Variants in VWA8 observed in about 807,000 individuals in gnomAD.
VWA8 encodes von Willebrand factor A domain containing 8.
In VWA8, 221 loss-of-function variants were observed where a neutral mutation model predicts 241.5. The ratio of observed to expected loss-of-function variants is 0.91; its 90% CI spans 0.82 to 1.02. The LOEUF is 1.02. Among genes scored for constraint, VWA8 ranks in the 50% least tolerant of loss-of-function variants. The probability of loss-of-function intolerance (pLI) is 0.00; values close to 1 mark genes in which losing one functional copy is unlikely to be tolerated. For synonymous variants in VWA8, 852 were observed against 827.1 expected (o/e 1.03, Z -0.52); for missense variants, 2,322 against 2,328.7 (o/e 1.00, Z 0.06).
intron 37 of VWA8, among the ~76,000 whole-genome samples, chr13:41,664,718 C>T (rs979525863): frequency 1.3e-5 from 2 of 152,068 alleles, no homozygotes; most frequent in Admixed American, 1.3e-4. Flanking sequence ...CAGAACTACA[C>T]AGTATCTTCA....
intron 16 of VWA8, among the ~76,000 whole-genome samples, chr13:41,813,896 G>T (rs1255715924): frequency 1.3e-5 from 2 of 151,944 alleles, no homozygotes; most frequent in Non-Finnish European, 2.9e-5. Context: ...AAAAAGGGGG[G>T]CGGTGAAGAT....
chr13:41,925,403 T>C (rs1007359015), intron 2 of VWA8, among the ~76,000 whole-genome samples: 2 of 152,150 alleles, frequency 1.3e-5, no homozygotes, highest in East Asian at 3.8e-4. Flanking sequence ...ATATCTCTAG[T>C]ACGAAGGTTA....
chr13:41,616,890 T>C (rs887323353), intron 37 of VWA8, among the ~76,000 whole-genome samples: 3 of 152,166 alleles, frequency 2.0e-5, no homozygotes, highest in Non-Finnish European at 4.4e-5. Flanking sequence ...TGCAGCACCC[T>C]CTAGATGTAC....
At chr13:41,710,728 TGAAA>T (rs1593712067) in intron 26 of VWA8, among the ~76,000 whole-genome samples, 1 of 152,088 alleles carries the variant, frequency 6.6e-6, no homozygotes, top group Admixed American at 6.5e-5. Flanking sequence ...TTCGGGAAAA[TGAAA>T]GAAAGGCACA....
intron 9 of VWA8, among the ~76,000 whole-genome samples, chr13:41,869,211 C>T (rs555760686): frequency 1.3e-5 from 2 of 152,232 alleles, no homozygotes; most frequent in South Asian, 4.2e-4. Flanking sequence ...GAAAACAGAA[C>T]TTCTTGGCCA....
intron 9 of VWA8, among the ~76,000 whole-genome samples, chr13:41,879,704 A>G (rs1874078635): frequency 1.3e-5 from 2 of 152,058 alleles, no homozygotes; most frequent in African/African-American, 2.4e-5. Flanking sequence ...TTAGAATCCA[A>G]TGTTCCACTC....
At chr13:41,726,645 T>C (rs890917913) in intron 24 of VWA8, among the ~76,000 whole-genome samples, 6 of 152,170 alleles carry the variant, frequency 3.9e-5, no homozygotes, top group East Asian at 3.8e-4. Context: ...TGGGATCAGA[T>C]AGACTTAGAT....
intron 37 of VWA8, among the ~76,000 whole-genome samples, chr13:41,659,076 C>G (rs550558846): frequency 9.5e-4 from 144 of 152,106 alleles, no homozygotes; most frequent in Non-Finnish European, 1.9e-3. Context: ...ATCCATATTC[C>G]TTAAACTGAG....
chr13:41,592,181 T>C lies in VWA8; in HGVS notation c.4987-1416A>G, dbSNP rs1190531832. On this transcript the variant is annotated intron_variant, in intron 40 of 44. Coordinates refer to ENST00000379310, the MANE Select transcript of VWA8 (RefSeq NM_015058.2). ...GTCCTTTGTAGGGACATGGATGAAATTGGAAATCATCATTCTCAGTAAACT... is the reference window on the plus strand; with the variant it reads ...GTCCTTTGTAGGGACATGGATGAAACTGGAAATCATCATTCTCAGTAAACT... Among the ~76,000 whole-genome samples, 8 of 144,750 alleles carry C rather than the reference T, an allele frequency of 5.5e-5. No individual in the cohort carries two copies. The South Asian group carries it at 1.1e-3, about 20-fold the overall frequency. 95.0% of individuals were successfully genotyped at this position (144,750 alleles called of 152,430 possible). A position where few individuals can be genotyped will look rare whatever the true frequency, so the allele number is the denominator to read the frequency against.
At chr13:41,855,733 G>C (rs1872721896) in intron 12 of VWA8, among the ~76,000 whole-genome samples, 1 of 152,080 alleles carries the variant, frequency 6.6e-6, no homozygotes, top group Non-Finnish European at 1.5e-5. Context: ...TATCTCAATT[G>C]TGGTACTGGC....
At chr13:41,772,674 G>A (rs529959934) in intron 20 of VWA8, among the ~76,000 whole-genome samples, 91 of 152,276 alleles carry the variant, frequency 6.0e-4, no homozygotes, top group African/African-American at 2.0e-3. Context: ...GAAAGACTAT[G>A]TGCTGTGTCA....
rs571346917 is a variant in VWA8, at chr13:41,789,135, A to G, written c.2064-1592T>C. On this transcript the variant is annotated intron_variant, in intron 17 of 44. Transcript: ENST00000379310. ...ATTTACATCTAGAACATTCTAAGAT[A>G]CTGGCCCATCCAACAAATGAGGAAA... Among the ~76,000 whole-genome samples, 46 of 152,294 alleles carry G rather than the reference A, an allele frequency of 3.0e-4. 1 individual carries two copies. In the South Asian group the frequency reaches 8.9e-3, roughly 29 times the overall value.
intron 12 of VWA8, among the ~76,000 whole-genome samples, chr13:41,857,193 T>A (rs1872789930): frequency 6.6e-6 from 1 of 152,174 alleles, no homozygotes; most frequent in South Asian, 2.1e-4. Flanking sequence ...GGGAAGAAAT[T>A]AAGCTAATTG....
rs761061482 is a variant in VWA8, at chr13:41,615,055, A to C, written c.4641T>G (p.Asp1547Glu). 6.2e-7 allele frequency: 1 copy of C among 1,613,984 alleles called. No homozygotes were observed. Among genetic ancestry groups the C allele is most frequent in the South Asian group, 1.1e-5 (1 of 91,066 alleles). The change falls in exon 38 of 45, where the codon GAT becomes GAG. Residue 1547 changes from aspartate to glutamate, a missense_variant. Asp to Glu is a conservative substitution (Grantham distance 45). Transcript: ENST00000379310. ...QITINRDSGE[D>E]VSSPKHGKED... ...CCTTCCCGTGTTTGGGGGAGCTTAC[A>C]TCTTCACCACTGTCTCTGTTGATTG...
At chr13:41,696,383 T>A (rs968568728) in intron 29 of VWA8, among the ~76,000 whole-genome samples, 8 of 152,336 alleles carry the variant, frequency 5.3e-5, no homozygotes, top group Non-Finnish European at 1.0e-4. Flanking sequence ...AGTGAAAGTA[T>A]TATTTCTTGG....
intron 26 of VWA8, among the ~76,000 whole-genome samples, chr13:41,708,374 T>A (rs1353234376): frequency 3.3e-5 from 5 of 151,700 alleles, no homozygotes; most frequent in South Asian, 2.1e-4. Context: ...AAAAAAAAAA[T>A]TTGTATGTAC....
chr13:41,620,445 A>G (rs1420812364), intron 37 of VWA8, among the ~76,000 whole-genome samples: 1 of 152,102 alleles, frequency 6.6e-6, no homozygotes, highest in African/African-American at 2.4e-5. Flanking sequence ...GATTTTTTGA[A>G]GGATTTTTTG....
At position 41,605,252 on chromosome 13, in the gene VWA8, T is replaced by G. The variant is rs1236449294; in HGVS notation, c.4902A>C (p.Glu1634Asp). ...ACCTTTCATAGGTTGCAGCATCGTA[T>G]TCACTCATTTGGATCTCCTTTAGCC... The part of the protein sequence containing the change: ...QQRLKEIQMS[E>D]YDAATYERFS... The change falls in exon 40 of 45, where the codon GAA becomes GAC. Residue 1634 changes from glutamate to aspartate, a missense_variant. Glu to Asp is a conservative substitution (Grantham distance 45). Transcript: ENST00000379310. The G allele has an allele frequency of 6.2e-7, 1 of 1,612,968 alleles. No individual in the cohort carries two copies. The highest frequency in any genetic ancestry group is 1.3e-5 in the African/African-American group (1 of 74,854).
chr13:41,601,646 T>C (rs563306325), intron 40 of VWA8, among the ~76,000 whole-genome samples: 131 of 152,256 alleles, frequency 8.6e-4, no homozygotes, highest in Middle Eastern at 6.8e-3. Context: ...CCAAGTATAA[T>C]TGAAGTATTT....
Sources: allele counts gnomAD v4.1 joint callset (sites outside exome capture counted in the v4.1 genomes callset), GRCh38; gene constraint gnomAD v4.1.1; transcripts MANE v1.5; gene names NCBI Gene and HGNC (gene_info 2026-07-23, HGNC 2026-07-21).